LRRC8D: variants seen among roughly 807,000 people sequenced by gnomAD.
The protein encoded by LRRC8D is volume-regulated anion channel subunit LRRC8D.
In LRRC8D, 20 loss-of-function variants were observed where a neutral mutation model predicts 55.8. The observed-to-expected ratio is 0.36, with a 90% CI of 0.25 to 0.52. The LOEUF is 0.52. LRRC8D is among the 20% of genes least tolerant of loss of function. LRRC8D has a pLI of 0.93. For synonymous variants in LRRC8D, 352 were observed against 377.0 expected (o/e 0.93, Z 0.77); for missense variants, 651 against 1,030.8 (o/e 0.63, Z 5.05).
intron 2 of LRRC8D, among the ~76,000 whole-genome samples, chr1:89,852,809 G>T (rs1661453449): frequency 6.6e-6 from 1 of 152,150 alleles, no homozygotes; most frequent in East Asian, 1.9e-4. Flanking sequence ...GCCCCAAAGG[G>T]CTCAGTGAAT....
At chr1:89,880,176 C>T (rs1570851421) in intron 2 of LRRC8D, among the ~76,000 whole-genome samples, 1 of 150,248 alleles carries the variant, frequency 6.7e-6, no homozygotes, top group Non-Finnish European at 1.5e-5. Context: ...GATGTGTAAG[C>T]AGGGAATGTT....
chr1:89,934,167 A>T lies in LRRC8D; in HGVS notation c.1099A>T (p.Ile367Phe). The change falls in exon 3 of 3, where the codon ATC becomes TTC. Residue 367 changes from isoleucine to phenylalanine, a missense_variant. This residue lies in a region of LRRC8D where 178 missense variants were observed against 374.9 expected (regional missense o/e 0.47). Coordinates refer to ENST00000337338, the MANE Select transcript of LRRC8D (RefSeq NM_001134479.2). This position sits in a 1 kb window ranked among gnomAD's most constrained non-coding sequence, Gnocchi z 5.9. Reference sequence around the variant, plus strand: ...GGCTTACATGTTGAAAAAGCTTCTCATCAGTTACATATCCATTATTTGTGT... The same window carrying T: ...GGCTTACATGTTGAAAAAGCTTCTCTTCAGTTACATATCCATTATTTGTGT... ...NMAYMLKKLL[I>F]SYISIICVYG... The T allele has an allele frequency of 6.2e-7, 1 of 1,614,122 alleles. No individual in the cohort carries two copies. The highest frequency in any genetic ancestry group is 8.5e-7 in the Non-Finnish European group (1 of 1,179,970).
intron 2 of LRRC8D, among the ~76,000 whole-genome samples, chr1:89,895,127 T>C (rs1429242193): frequency 6.6e-6 from 1 of 152,180 alleles, no homozygotes; most frequent in African/African-American, 2.4e-5. Flanking sequence ...TAATTAACAT[T>C]TTTTGGAAAC....
In LRRC8D at chr1:89,855,720, A is replaced by G. The variant is rs572881264; in HGVS notation, c.-3+11938A>G. Among the ~76,000 whole-genome samples the G allele has an allele frequency of 9.8e-5, 15 of 152,326 alleles. No individual in the cohort carries two copies. In the South Asian group the frequency reaches 1.9e-3, roughly 19 times the overall value. ...AGAGTCTTAATTTCTCCACATAATT[A>G]TATACTCTTCAAAGTGAAAATAGTT... On this transcript the variant is annotated intron_variant, in intron 2 of 2. Coordinates refer to ENST00000337338, the MANE Select transcript of LRRC8D (RefSeq NM_001134479.2).
At chr1:89,841,402 C>CG (rs1168533298) in intron 1 of LRRC8D, among the ~76,000 whole-genome samples, 2 of 151,378 alleles carry the variant, frequency 1.3e-5, no homozygotes, top group Non-Finnish European at 1.5e-5. Context: ...GACCACCCCC[C>CG]CCCTTTTTTT....
chr1:89,843,389 G>T lies in LRRC8D; in HGVS notation c.-147-249G>T, dbSNP rs537823158. On this transcript the variant is annotated intron_variant, in intron 1 of 2. Coordinates refer to ENST00000337338, the MANE Select transcript of LRRC8D (RefSeq NM_001134479.2). ...GCAAACGGAAGGGCTGTGAGCGAGC[G>T]GGCGGGCGGGTGGCTGGCAGCGAGG... is the stretch of plus-strand genomic sequence containing the variant. The T allele has an allele frequency of 4.5e-5, 14 of 313,644 alleles. No homozygotes were observed. In the East Asian group the frequency reaches 5.7e-4, roughly 13 times the overall value. The allele number at this position is 313,644 out of a possible 1,614,324, so 19.4% of individuals were successfully genotyped here.
chr1:89,853,519 T>G (rs1661475636), intron 2 of LRRC8D, among the ~76,000 whole-genome samples: 1 of 152,204 alleles, frequency 6.6e-6, no homozygotes. Flanking sequence ...GTGACAACAT[T>G]GAGTACCCGG....
intron 2 of LRRC8D, among the ~76,000 whole-genome samples, chr1:89,852,752 G>T (rs1441906729): frequency 6.6e-6 from 1 of 152,198 alleles, no homozygotes; most frequent in African/African-American, 2.4e-5. Context: ...TCATTTACCA[G>T]GCCGAGATGG....
chr1:89,838,211 G>T (rs71666230), intron 1 of LRRC8D, among the ~76,000 whole-genome samples: 18 of 26,802 alleles, frequency 6.7e-4, no homozygotes, highest in Non-Finnish European at 2.9e-3. Context: ...AAAAAAAAAA[G>T]GGGGGAAAAA....
intron 2 of LRRC8D, among the ~76,000 whole-genome samples, chr1:89,888,087 G>T (rs1039495217): frequency 2.4e-4 from 37 of 152,200 alleles, no homozygotes; most frequent in Admixed American, 7.2e-4. Flanking sequence ...AAGCCATTTA[G>T]GAGGTTGGAG....
chr1:89,915,051 GTGTGTA>G (rs1663228956), intron 2 of LRRC8D, among the ~76,000 whole-genome samples: 3 of 151,250 alleles, frequency 2.0e-5, no homozygotes, highest in African/African-American at 7.4e-5. Context: ...TGTGTGGTGT[GTGTGTA>G]TGTGTGTGGT....
intron 2 of LRRC8D, among the ~76,000 whole-genome samples, chr1:89,904,301 A>G (rs556036012): frequency 9.6e-4 from 147 of 152,356 alleles, no homozygotes; most frequent in African/African-American, 3.4e-3. Context: ...GGTGAATTCA[A>G]GAAAGTTGGA....
At chr1:89,840,915 A>C (rs987637658) in intron 1 of LRRC8D, among the ~76,000 whole-genome samples, 1 of 152,220 alleles carries the variant, frequency 6.6e-6, no homozygotes, top group South Asian at 2.1e-4. Flanking sequence ...GGATACCAAA[A>C]GATATTTCAA....
At chr1:89,838,925 C>T (rs1177828484) in intron 1 of LRRC8D, among the ~76,000 whole-genome samples, 1 of 152,120 alleles carries the variant, frequency 6.6e-6, no homozygotes, top group Non-Finnish European at 1.5e-5. Context: ...CATGTTTATC[C>T]TTTACACTTT....
At chr1:89,889,084 T>C (rs1285602192) in intron 2 of LRRC8D, among the ~76,000 whole-genome samples, 2 of 152,186 alleles carry the variant, frequency 1.3e-5, no homozygotes, top group African/African-American at 2.4e-5. Context: ...ACTGCTCTAG[T>C]CTGGTGAGCA....
chr1:89,861,309 C>A (rs758869913), intron 2 of LRRC8D, among the ~76,000 whole-genome samples: 12 of 152,116 alleles, frequency 7.9e-5, no homozygotes, highest in Non-Finnish European at 1.5e-4. Flanking sequence ...AAAATGAGGT[C>A]AAAATGATAA....
At chr1:89,879,567 G>C (rs1470986234) in intron 2 of LRRC8D, among the ~76,000 whole-genome samples, 9 of 152,130 alleles carry the variant, frequency 5.9e-5, no homozygotes, top group Admixed American at 4.6e-4. Flanking sequence ...TAAATCTGTT[G>C]TGTTACCTTA....
chr1:89,871,559 A>G (rs1164857832), intron 2 of LRRC8D, among the ~76,000 whole-genome samples: 1 of 152,232 alleles, frequency 6.6e-6, no homozygotes, highest in African/African-American at 2.4e-5. Context: ...TACATATGGT[A>G]TAATTACTCT....
intron 2 of LRRC8D, among the ~76,000 whole-genome samples, chr1:89,885,863 TTTTA>T (rs759215352): frequency 6.6e-6 from 1 of 152,320 alleles, no homozygotes; most frequent in East Asian, 1.9e-4. Flanking sequence ...CAAGGAGTCA[TTTTA>T]AGTTCACTCC....
Sources: gnomAD v4.1 joint callset for allele counts (sites outside exome capture counted in the v4.1 genomes callset) on GRCh38, gnomAD v4.1.1 for gene constraint, gnomAD v4.1.1 regional missense constraint, Gnocchi (gnomAD v3.1) non-coding constraint, MANE v1.5 for transcripts, NCBI Gene and HGNC (gene_info 2026-07-23, HGNC 2026-07-21) for gene names.